The following ARID3B variants were observed in gnomAD, a reference collection of about 807,000 sequenced individuals.
ARID3B encodes the protein AT-rich interactive domain-containing protein 3B.
A neutral mutation model predicts 51.9 loss-of-function variants in ARID3B; 10 were observed. The observed-to-expected ratio is 0.19, with a 90% CI of 0.12 to 0.33. The LOEUF is 0.33. Ranked by LOEUF, ARID3B falls within the 10% of genes least tolerant of loss-of-function variation. The pLI is 1.00. For missense variants in ARID3B, 483 were observed against 716.3 expected, an observed-to-expected ratio of 0.67 and a Z score of 3.72; for synonymous variants, 205 against 279.5, an observed-to-expected ratio of 0.73 and a Z score of 2.66.
At chr15:74,552,414 C>G (rs912373610) in intron 2 of ARID3B, among the ~76,000 whole-genome samples, 4 of 137,338 alleles carry the variant, frequency 2.9e-5, no homozygotes, top group African/African-American at 1.1e-4. Flanking sequence ...AGGCTGGTCT[C>G]GAACTCCCGA....
rs1326379631 is a variant in ARID3B at position 74,591,248 on chromosome 15, C to T, written c.979C>T (p.Arg327Trp). 5 of 1,613,910 alleles carry T rather than the reference C, an allele frequency of 3.1e-6. No homozygotes were observed. Among genetic ancestry groups the T allele is most frequent in the South Asian group, 2.2e-5 (2 of 91,062 alleles). The change falls in exon 6 of 9, where the codon CGG becomes TGG. Residue 327 changes from arginine (R) to tryptophan (W), a missense_variant. By Grantham distance (101) the Arg-to-Trp change is moderately radical. Coordinates refer to ENST00000346246, the MANE Select transcript of ARID3B (RefSeq NM_006465.4). This position sits in a 1 kb window ranked among gnomAD's most constrained non-coding sequence, Gnocchi z 5.8. ...AATTGATGGCAACCGCAGGGAGGGC[C>T]GGCGGCCCAGCTACAGCTCCTCCCT... The part of the protein sequence containing the change: ...AAIDGNRREG[R>W]RPSYSSSLFG...
At chr15:74,572,452 C>T (rs1159949301) in intron 2 of ARID3B, among the ~76,000 whole-genome samples, 1 of 152,206 alleles carries the variant, frequency 6.6e-6, no homozygotes, top group African/African-American at 2.4e-5. Context: ...GTATAGGAAA[C>T]CAGGCAAGGT....
At chr15:74,587,097 AT>A (rs1206624455) in intron 4 of ARID3B, among the ~76,000 whole-genome samples, 2 of 152,264 alleles carry the variant, frequency 1.3e-5, no homozygotes, top group Non-Finnish European at 2.9e-5. Context: ...AACATGGGTC[AT>A]GCGATTGGAC....
intron 2 of ARID3B, among the ~76,000 whole-genome samples, chr15:74,551,144 A>G (rs2061636160): frequency 6.6e-6 from 1 of 152,212 alleles, no homozygotes; most frequent in Non-Finnish European, 1.5e-5. Flanking sequence ...GTTTACATAT[A>G]AGTGGACCCA....
At position 74,597,832 on chromosome 15, in the gene ARID3B, A is replaced by G. The variant is rs575025569; in HGVS notation, c.*2058A>G. 1.8e-4 allele frequency: 90 copies of G among 501,876 alleles called. No individual in the cohort carries two copies. The highest frequency in any genetic ancestry group is 1.7e-3 in the African/African-American group (89 of 53,140). 31.1% of individuals were successfully genotyped at this position (501,876 alleles called of 1,614,324 possible). ...GTGAACCCTCACTGCCCTCAAGGAC[A>G]ACAGCAGGGTGTCACCCAGAGCCCG... is the stretch of plus-strand genomic sequence containing the variant. On this transcript the variant is annotated 3_prime_UTR_variant, in exon 9 of 9. Coordinates refer to ENST00000346246, the MANE Select transcript of ARID3B (RefSeq NM_006465.4).
intron 4 of ARID3B, among the ~76,000 whole-genome samples, chr15:74,583,031 CAAAA>C (rs563528666): frequency 1.3e-4 from 13 of 102,804 alleles, no homozygotes; most frequent in Non-Finnish European, 1.9e-4. Flanking sequence ...CCATCTCTAC[CAAAA>C]AAAAAAAAAA....
Position 74,544,075 on chromosome 15 carries a change from G to A in ARID3B, c.139G>A (p.Val47Ile). The A allele has an allele frequency of 1.2e-6, 2 of 1,613,992 alleles. No individual in the cohort carries two copies. Among genetic ancestry groups the A allele is most frequent in the Non-Finnish European group, 1.7e-6 (2 of 1,179,884 alleles). ...CCAGTTCTTGTATGCCCAAAAGCTGGTCACACAGCCGACTCTCCTTTCCGC... is the reference window on the plus strand; with the variant it reads ...CCAGTTCTTGTATGCCCAAAAGCTGATCACACAGCCGACTCTCCTTTCCGC... Reference protein sequence around the residue: ...EAQFLYAQKLVTQPTLLSATA... With the variant: ...EAQFLYAQKLITQPTLLSATA... Residue 47 changes from valine (V) to isoleucine (I), a missense_variant, in exon 2 of 9, where the codon GTC becomes ATC. By Grantham distance (29) the Val-to-Ile change is conservative. Around this residue, in one of 3 missense-constraint regions of ARID3B, gnomAD observed 182 missense variants for 244.5 expected, o/e 0.74. Coordinates refer to ENST00000346246, the MANE Select transcript of ARID3B (RefSeq NM_006465.4).
At chr15:74,580,998 G>A (rs2061760044) in intron 4 of ARID3B, among the ~76,000 whole-genome samples, 1 of 152,216 alleles carries the variant, frequency 6.6e-6, no homozygotes, top group African/African-American at 2.4e-5. Flanking sequence ...CACAGAGGCT[G>A]CCATCTGTCA....
At chr15:74,579,881 G>A (rs571316132) in intron 4 of ARID3B, among the ~76,000 whole-genome samples, 175 of 151,344 alleles carry the variant, frequency 1.2e-3, no homozygotes, top group African/African-American at 3.3e-3. Flanking sequence ...GTGCGCGCGC[G>A]CGCACACGCA....
intron 2 of ARID3B, among the ~76,000 whole-genome samples, chr15:74,560,153 C>A (rs2061674708): frequency 6.6e-6 from 1 of 150,738 alleles, no homozygotes; most frequent in African/African-American, 2.4e-5. Context: ...TGCAGTGAGC[C>A]ACGATTGCAC....
intron 7 of ARID3B, among the ~76,000 whole-genome samples, chr15:74,592,708 G>A (rs112333927): frequency 3.3e-5 from 5 of 152,240 alleles, no homozygotes; most frequent in East Asian, 1.9e-4. Flanking sequence ...GGCTGAGGGC[G>A]TAGACTCCTC....
Position 74,591,528 on chromosome 15 carries a change from T to G in ARID3B, c.1166-32T>G, listed in dbSNP as rs186328752. On this transcript the variant is annotated intron_variant, in intron 6 of 8. Transcript: ENST00000346246. The surrounding 1 kb of genome is among the most constrained non-coding windows in gnomAD (Gnocchi z 5.8). ...GGGGTTTTGGGGCAAGAGGGTCAAT[T>G]GTGGATTGGTCCAGCTCCAGTTCCT... 1.2e-5 allele frequency: 19 copies of G among 1,602,564 alleles called. No homozygotes were observed. In the African/African-American group the frequency reaches 1.9e-4, roughly 16 times the overall value.
Position 74,595,938 on chromosome 15 carries a change from T to G in ARID3B, c.*164T>G. On this transcript the variant is annotated 3_prime_UTR_variant, in exon 9 of 9. Transcript: ENST00000346246. ...TGTCCAGGCTCCATTCAGGTCCTGC[T>G]GTACTCTGGGGGCAGGGAGAGGCTA... 2 of 808,044 alleles carry G rather than the reference T, an allele frequency of 2.5e-6. No individual in the cohort carries two copies. The highest frequency in any genetic ancestry group is 3.8e-6 in the Non-Finnish European group (2 of 532,514). The allele number at this position is 808,044 out of a possible 1,614,324, so 50.1% of individuals were successfully genotyped here.
intron 2 of ARID3B, among the ~76,000 whole-genome samples, chr15:74,554,034 T>G (rs1387373803): frequency 6.6e-6 from 1 of 151,814 alleles, no homozygotes; most frequent in Non-Finnish European, 1.5e-5. Flanking sequence ...TGAGACAGAG[T>G]CTCGCTCTGT....
At chr15:74,575,928 A>G (rs955623467) in intron 4 of ARID3B, among the ~76,000 whole-genome samples, 5 of 151,990 alleles carry the variant, frequency 3.3e-5, no homozygotes, top group Admixed American at 3.3e-4. Context: ...ACAGGGTCTC[A>G]CTCTGTTGCC....
intron 4 of ARID3B, among the ~76,000 whole-genome samples, chr15:74,576,597 C>T (rs1463180965): frequency 6.6e-6 from 1 of 151,782 alleles, no homozygotes; most frequent in Admixed American, 6.6e-5. Flanking sequence ...ACTTGGGGGC[C>T]GTCATGGAGG....
At chr15:74,592,879 C>T (rs536432414) in intron 7 of ARID3B, among the ~76,000 whole-genome samples, 98 of 152,330 alleles carry the variant, frequency 6.4e-4, no homozygotes, top group Admixed American at 1.4e-3. Flanking sequence ...GGGCCGGAGC[C>T]GGCCTCCTTG....
chr15:74,567,561 C>G (rs1416486263), intron 2 of ARID3B, among the ~76,000 whole-genome samples: 5 of 152,036 alleles, frequency 3.3e-5, no homozygotes, highest in Non-Finnish European at 7.4e-5. Context: ...GAAAGGGCCC[C>G]TAGAGACCAT....
Position 74,595,802 on chromosome 15 carries a change from A to G in ARID3B, c.*28A>G. The G allele has an allele frequency of 6.3e-7, 1 of 1,594,592 alleles. No homozygotes were observed. Reference sequence around the variant, plus strand: ...GGCAGGACCCAGCTTCCCACTTGCCACTCTCCTGTCGAGAGTGAAGGAAGT... The same window carrying G: ...GGCAGGACCCAGCTTCCCACTTGCCGCTCTCCTGTCGAGAGTGAAGGAAGT... On this transcript the variant is annotated 3_prime_UTR_variant, in exon 9 of 9. Coordinates refer to ENST00000346246, the MANE Select transcript of ARID3B (RefSeq NM_006465.4).
Sources: gnomAD v4.1 joint callset for allele counts (sites outside exome capture counted in the v4.1 genomes callset) on GRCh38, gnomAD v4.1.1 for gene constraint, gnomAD v4.1.1 regional missense constraint, Gnocchi (gnomAD v3.1) non-coding constraint, MANE v1.5 for transcripts, NCBI Gene and HGNC (gene_info 2026-07-23, HGNC 2026-07-21) for gene names.